Variants in PTPRM observed in about 807,000 individuals in gnomAD.
PTPRM encodes the protein protein tyrosine phosphatase receptor type M.
A neutral mutation model predicts 186.7 loss-of-function variants in PTPRM; 47 were observed. The observed-to-expected ratio is 0.25, with a 90% CI of 0.20 to 0.32. PTPRM has a LOEUF of 0.32. Among genes scored for constraint, PTPRM ranks in the 10% least tolerant of loss-of-function variants. The pLI, the probability that PTPRM is intolerant of heterozygous loss-of-function variation, is 1.00. For synonymous variants in PTPRM, 668 were observed against 674.9 expected, an observed-to-expected ratio of 0.99 and a Z score of 0.16; for missense variants, 1,494 against 1,865.0, an observed-to-expected ratio of 0.80 and a Z score of 3.66.
chr18:8,124,635 G>C, intron 13 of PTPRM, among the ~76,000 whole-genome samples: 1 of 152,176 alleles, frequency 6.6e-6, no homozygotes, highest in East Asian at 1.9e-4. Context: ...GCTAAGAAAA[G>C]ACAGCAGTTT....
At chr18:7,830,238 G>T (rs988882183) in intron 2 of PTPRM, among the ~76,000 whole-genome samples, 19 of 152,096 alleles carry the variant, frequency 1.2e-4, no homozygotes, top group Admixed American at 5.9e-4. Flanking sequence ...TCTGGCTGGA[G>T]GAGTGGGACA....
At chr18:7,682,854 T>C (rs1300869614) in intron 1 of PTPRM, among the ~76,000 whole-genome samples, 1 of 152,194 alleles carries the variant, frequency 6.6e-6, no homozygotes, top group African/African-American at 2.4e-5. Flanking sequence ...GTGCAAGTTA[T>C]GCTGGCCAGA....
chr18:8,308,107 G>T (rs1009704092), intron 20 of PTPRM, among the ~76,000 whole-genome samples: 17 of 152,168 alleles, frequency 1.1e-4, no homozygotes, highest in Admixed American at 2.0e-4. Context: ...ACTGTTAAAA[G>T]AAAAACTTTA....
chr18:7,824,160 T>A (rs1380160931), intron 2 of PTPRM, among the ~76,000 whole-genome samples: 1 of 152,240 alleles, frequency 6.6e-6, no homozygotes, highest in Non-Finnish European at 1.5e-5. Flanking sequence ...CCCTTTCTAG[T>A]ACCCCGAAGG....
chr18:7,723,206 A>ATATTC (rs67034908), intron 1 of PTPRM, among the ~76,000 whole-genome samples: 1 of 151,804 alleles, frequency 6.6e-6, no homozygotes, highest in Non-Finnish European at 1.5e-5. Context: ...CCTACAGGCT[A>ATATTC]TTAACAGGCT....
At chr18:8,003,752 A>G (rs770319410) in intron 7 of PTPRM, among the ~76,000 whole-genome samples, 5 of 152,220 alleles carry the variant, frequency 3.3e-5, no homozygotes, top group Admixed American at 6.5e-5. Context: ...TTGCATCATT[A>G]GTTCAACAGC....
intron 1 of PTPRM, among the ~76,000 whole-genome samples, chr18:7,763,594 A>G (rs1196783013): frequency 6.6e-6 from 1 of 152,208 alleles, no homozygotes; most frequent in Non-Finnish European, 1.5e-5. Context: ...TTGTATTAGA[A>G]GAAGTTCTCC....
chr18:8,183,540 T>C (rs927412198), intron 14 of PTPRM, among the ~76,000 whole-genome samples: 8 of 152,206 alleles, frequency 5.3e-5, no homozygotes, highest in Non-Finnish European at 1.0e-4. Context: ...GCCCTTCTCC[T>C]CCTTCGTTCA....
At chr18:8,066,842 G>A (rs2089123608) in intron 7 of PTPRM, among the ~76,000 whole-genome samples, 1 of 152,076 alleles carries the variant, frequency 6.6e-6, no homozygotes, top group Non-Finnish European at 1.5e-5. Flanking sequence ...TTTGTGTTAG[G>A]CTTAGCTGTA....
intron 14 of PTPRM, among the ~76,000 whole-genome samples, chr18:8,213,437 T>C (rs538235696): frequency 6.6e-6 from 1 of 152,338 alleles, no homozygotes; most frequent in African/African-American, 2.4e-5. Context: ...TACTTTTGAA[T>C]GGGTGAAACT....
chr18:7,733,207 G>C (rs1196133002), intron 1 of PTPRM, among the ~76,000 whole-genome samples: 1 of 152,072 alleles, frequency 6.6e-6, no homozygotes, highest in Non-Finnish European at 1.5e-5. Flanking sequence ...ACATGCATTA[G>C]GTATTTGTCC....
At chr18:7,665,695 G>C (rs374573644) in intron 1 of PTPRM, among the ~76,000 whole-genome samples, 8 of 152,138 alleles carry the variant, frequency 5.3e-5, no homozygotes, top group Admixed American at 2.6e-4. Context: ...TGGAGGCCGA[G>C]GGGGGTGGAT....
At chr18:8,206,268 A>ATTTTATTTTT (rs1238112461) in intron 14 of PTPRM, among the ~76,000 whole-genome samples, 1 of 148,988 alleles carries the variant, frequency 6.7e-6, no homozygotes, top group African/African-American at 2.6e-5. Context: ...ATTTTATTTT[A>ATTTTATTTTT]TTTTGAGACG....
chr18:7,853,747 A>G (rs559084446), intron 2 of PTPRM, among the ~76,000 whole-genome samples: 12 of 152,328 alleles, frequency 7.9e-5, no homozygotes, highest in Non-Finnish European at 1.3e-4. Context: ...AGCTTGAAAT[A>G]ATATTCTATA....
chr18:7,942,112 G>C (rs2052214720), intron 5 of PTPRM, among the ~76,000 whole-genome samples: 1 of 151,978 alleles, frequency 6.6e-6, no homozygotes, highest in Non-Finnish European at 1.5e-5. Flanking sequence ...GTGAAACCCT[G>C]TGTCTACTCT....
intron 1 of PTPRM, among the ~76,000 whole-genome samples, chr18:7,637,184 A>AAAC (rs1555643929): frequency 1.3e-5 from 2 of 151,790 alleles, no homozygotes; most frequent in Non-Finnish European, 2.9e-5. Flanking sequence ...AAAAAAAAAA[A>AAAC]AACAGTGTAA....
intron 1 of PTPRM, among the ~76,000 whole-genome samples, chr18:7,669,360 CAT>C (rs951763442): frequency 1.3e-4 from 20 of 152,210 alleles, no homozygotes; most frequent in African/African-American, 2.4e-4. Flanking sequence ...GGGATGGCCA[CAT>C]GTGTGTTGAA....
At chr18:8,387,437 C>T (rs186040322) in intron 31 of PTPRM, among the ~76,000 whole-genome samples, 5 of 151,790 alleles carry the variant, frequency 3.3e-5, no homozygotes, top group Admixed American at 2.0e-4. Context: ...GATGGTGTGC[C>T]GCTGCCGCAC....
intron 14 of PTPRM, among the ~76,000 whole-genome samples, chr18:8,164,076 A>C (rs532337845): frequency 6.6e-6 from 1 of 152,350 alleles, no homozygotes; most frequent in South Asian, 2.1e-4. Flanking sequence ...CCATAAGTTA[A>C]GAGAGCAACT....
Sources: allele counts gnomAD v4.1 joint callset (sites outside exome capture counted in the v4.1 genomes callset), GRCh38; gene constraint gnomAD v4.1.1; transcripts MANE v1.5; gene names NCBI Gene and HGNC (gene_info 2026-07-23, HGNC 2026-07-21).